The following VPS13B variants were observed in gnomAD, a reference collection of about 807,000 sequenced individuals.
VPS13B encodes vacuolar protein sorting 13 homolog B.
In VPS13B, 285 loss-of-function variants were observed where a neutral mutation model predicts 426.4. The ratio of observed to expected loss-of-function variants is 0.67; its 90% CI spans 0.61 to 0.74. The LOEUF (loss-of-function observed/expected upper bound fraction) is 0.74. Ranked by LOEUF, VPS13B falls within the 30% of genes least tolerant of loss-of-function variation. The pLI, the probability that VPS13B is intolerant of heterozygous loss-of-function variation, is 0.00. For synonymous variants in VPS13B, 1,676 were observed against 1,676.4 expected (o/e 1.00, Z 0.01); for missense variants, 4,537 against 4,782.6 (o/e 0.95, Z 1.51).
At chr8:99,243,992 G>A (rs1009900108) in intron 17 of VPS13B, among the ~76,000 whole-genome samples, 15 of 152,200 alleles carry the variant, frequency 9.9e-5, no homozygotes, top group South Asian at 8.3e-4. Flanking sequence ...GCTGTCAGAC[G>A]AAAGACAGAC....
At chr8:99,340,778 C>A in intron 19 of VPS13B, 1 of 343,718 alleles carries the variant, frequency 2.9e-6, no homozygotes, top group South Asian at 2.9e-5. Flanking sequence ...GACGCCTGCT[C>A]TCAGCCAGCC....
At chr8:99,749,470 C>A (rs1285553130) in intron 39 of VPS13B, among the ~76,000 whole-genome samples, 1 of 152,078 alleles carries the variant, frequency 6.6e-6, no homozygotes, top group Non-Finnish European at 1.5e-5. Flanking sequence ...TTAGCTCCCA[C>A]AAATGAGTGA....
intron 13 of VPS13B, among the ~76,000 whole-genome samples, chr8:99,144,559 A>G (rs1299570850): frequency 6.6e-6 from 1 of 151,676 alleles, no homozygotes; most frequent in Non-Finnish European, 1.5e-5. Flanking sequence ...CAGCAACTTT[A>G]CTGTTACCTT....
intron 17 of VPS13B, among the ~76,000 whole-genome samples, chr8:99,252,579 T>A (rs1043592270): frequency 5.3e-5 from 8 of 152,094 alleles, no homozygotes; most frequent in African/African-American, 1.9e-4. Context: ...ATTGTTGATA[T>A]CCTTGCTGAT....
intron 8 of VPS13B, among the ~76,000 whole-genome samples, chr8:99,133,752 C>T (rs980079007): frequency 4.6e-5 from 7 of 152,124 alleles, no homozygotes; most frequent in Non-Finnish European, 7.4e-5. Flanking sequence ...AGAACACACA[C>T]ATGTATCAAT....
chr8:99,433,318 C>T (rs1305869439), intron 22 of VPS13B, among the ~76,000 whole-genome samples: 1 of 152,166 alleles, frequency 6.6e-6, no homozygotes, highest in African/African-American at 2.4e-5. Context: ...CCAGGGCTTA[C>T]CAGCACACCC....
intron 33 of VPS13B, among the ~76,000 whole-genome samples, chr8:99,639,995 TA>T (rs1340425775): frequency 6.5e-5 from 2 of 30,712 alleles, no homozygotes; most frequent in Non-Finnish European, 1.2e-4. Flanking sequence ...GTAATAATAA[TA>T]ATAATAATAA....
intron 8 of VPS13B, among the ~76,000 whole-genome samples, chr8:99,133,387 T>C (rs961177440): frequency 6.6e-5 from 10 of 152,226 alleles, no homozygotes; most frequent in African/African-American, 2.2e-4. Context: ...GCTAGTTCGA[T>C]TGTCTATCCA....
At chr8:99,871,247 CT>C (rs1489792895) in intron 60 of VPS13B, 200 bp from the exon 61 acceptor site, 1 of 808,866 alleles carries the variant, frequency 1.2e-6, no homozygotes, top group African/African-American at 1.7e-5. Flanking sequence ...CAAGGGAAAT[CT>C]TTGTTCCCAG....
intron 35 of VPS13B, among the ~76,000 whole-genome samples, chr8:99,691,438 T>A (rs917542486): frequency 5.3e-5 from 8 of 152,168 alleles, no homozygotes; most frequent in African/African-American, 1.9e-4. Flanking sequence ...GTGTTTTTCC[T>A]GTTTAAAAAC....
Position 99,170,117 on chromosome 8 carries a change from T to C in VPS13B, c.2287T>C (p.Phe763Leu). 3 of 1,613,070 alleles carry C rather than the reference T, an allele frequency of 1.9e-6. No homozygotes were observed. Among genetic ancestry groups the C allele is most frequent in the Non-Finnish European group, 2.5e-6 (3 of 1,179,130 alleles). Reference sequence around the variant, plus strand: ...CTTACCTGTACCAGTTATTCCCTCTTTCAGCACTGCTCTTTATGGGAAACT... The same window carrying C: ...CTTACCTGTACCAGTTATTCCCTCTCTCAGCACTGCTCTTTATGGGAAACT... The part of the protein sequence containing the change: ...YCLPVPVIPS[F>L]STALYGKLLK... Residue 763 changes from phenylalanine (F) to leucine (L), a missense_variant, in exon 16 of 62, where the codon TTC becomes CTC. By Grantham distance (22) the Phe-to-Leu change is conservative. Coordinates refer to ENST00000357162, the MANE Select transcript of VPS13B (RefSeq NM_152564.5).
At chr8:99,800,088 A>T (rs1198076306) in intron 43 of VPS13B, among the ~76,000 whole-genome samples, 2 of 152,202 alleles carry the variant, frequency 1.3e-5, no homozygotes, top group African/African-American at 2.4e-5. Flanking sequence ...TCTGCATAGC[A>T]TCAGAATCTC....
chr8:99,105,914 A>G (rs1005994354), intron 5 of VPS13B, among the ~76,000 whole-genome samples: 2 of 152,292 alleles, frequency 1.3e-5, no homozygotes, highest in Non-Finnish European at 2.9e-5. Context: ...AGAAGCAAAT[A>G]TACCATATGA....
At chr8:99,514,426 G>T (rs1276981856) in intron 29 of VPS13B, among the ~76,000 whole-genome samples, 1 of 152,166 alleles carries the variant, frequency 6.6e-6, no homozygotes, top group African/African-American at 2.4e-5. Flanking sequence ...CAAAAGCTCT[G>T]TAGCCATTAA....
intron 43 of VPS13B, among the ~76,000 whole-genome samples, chr8:99,801,395 A>G (rs1813112770): frequency 6.6e-6 from 1 of 152,210 alleles, no homozygotes; most frequent in African/African-American, 2.4e-5. Flanking sequence ...AGTTGTTTTC[A>G]CAAATAGTTT....
intron 44 of VPS13B, among the ~76,000 whole-genome samples, chr8:99,816,321 C>T (rs528890914): frequency 6.6e-6 from 1 of 152,068 alleles, no homozygotes; most frequent in Non-Finnish European, 1.5e-5. Context: ...AGGCTGGTCT[C>T]GAACTCCCGA....
Position 99,154,215 on chromosome 8 carries a change from A to G in VPS13B, c.2014-2334A>G, listed in dbSNP as rs532442661. On this transcript the variant is annotated intron_variant, in intron 14 of 61. Transcript: ENST00000357162. The stretch of plus-strand genomic sequence containing the variant: ...GTTCTCTGAGTTTCCTGGGTTTCTA[A>G]TTTGGTGTCTGACATTAATTTGAGG... Among the ~76,000 whole-genome samples, 5 of 150,132 alleles carry G rather than the reference A, an allele frequency of 3.3e-5. No homozygotes were observed. The East Asian group carries it at 9.8e-4, about 29-fold the overall frequency.
At chr8:99,194,767 T>C (rs1426339028) in intron 17 of VPS13B, among the ~76,000 whole-genome samples, 1 of 152,194 alleles carries the variant, frequency 6.6e-6, no homozygotes, top group Non-Finnish European at 1.5e-5. Flanking sequence ...TTTGGACATA[T>C]ACCCAGAAGT....
Position 99,014,021 on chromosome 8 carries a change from C to T in VPS13B, c.147+86C>T, listed in dbSNP as rs779286545. On this transcript the variant is annotated intron_variant, in intron 2 of 61. Transcript: ENST00000357162. ...TTGTTTCCTAAGCTTTGACTTTATG[C>T]TGTAAAAACGTAACTTTTCTACTGA... 1.5e-3 allele frequency: 2,329 copies of T among 1,576,686 alleles called. 3 individuals are homozygous for T. The highest frequency in any genetic ancestry group is 1.9e-3 in the Non-Finnish European group (2,207 of 1,154,270).
Sources: allele counts gnomAD v4.1 joint callset (sites outside exome capture counted in the v4.1 genomes callset), GRCh38; gene constraint gnomAD v4.1.1; transcripts MANE v1.5; gene names NCBI Gene and HGNC (gene_info 2026-07-23, HGNC 2026-07-21).